The following CDH18 variants were observed in gnomAD, a reference collection of about 807,000 sequenced individuals.
CDH18 encodes the protein cadherin 18, also known as cadherin-18.
In CDH18, 31 loss-of-function variants were observed where a neutral mutation model predicts 67.9. The observed-to-expected ratio is 0.46, with a 90% CI of 0.34 to 0.62. The LOEUF (loss-of-function observed/expected upper bound fraction) is 0.62, where lower values mean the gene tolerates loss of function less well. Among genes scored for constraint, CDH18 ranks in the 20% least tolerant of loss-of-function variants. The pLI is 0.01. For synonymous variants in CDH18, 362 were observed against 347.2 expected, an observed-to-expected ratio of 1.04 and a Z score of -0.48; for missense variants, 890 against 975.5, an observed-to-expected ratio of 0.91 and a Z score of 1.17.
chr5:19,885,009 G>A (rs973430581), intron 2 of CDH18, among the ~76,000 whole-genome samples: 6 of 151,926 alleles, frequency 3.9e-5, no homozygotes, highest in South Asian at 2.1e-4. Flanking sequence ...GAGATGTTAC[G>A]GCAGTTCAAA....
At chr5:19,788,277 T>G (rs914227731) in intron 3 of CDH18, among the ~76,000 whole-genome samples, 6 of 152,178 alleles carry the variant, frequency 3.9e-5, no homozygotes, top group Non-Finnish European at 8.8e-5. Flanking sequence ...ATGGTAATGA[T>G]GGAGATAACT....
At chr5:19,574,541 G>A (rs1580290493) in intron 7 of CDH18, among the ~76,000 whole-genome samples, 1 of 152,026 alleles carries the variant, frequency 6.6e-6, no homozygotes, top group Non-Finnish European at 1.5e-5. Flanking sequence ...ATTTATTTAT[G>A]CCTGGATATT....
chr5:20,059,643 A>T (rs1467329469), intron 2 of CDH18, among the ~76,000 whole-genome samples: 2 of 152,192 alleles, frequency 1.3e-5, no homozygotes, highest in African/African-American at 4.8e-5. Context: ...AAATCATTCT[A>T]CTATAAAGAT....
intron 11 of CDH18, among the ~76,000 whole-genome samples, chr5:19,495,176 A>G (rs1236771122): frequency 6.6e-6 from 1 of 152,212 alleles, no homozygotes; most frequent in Non-Finnish European, 1.5e-5. Context: ...TGCTAGGTAC[A>G]TGAGATGGGG....
intron 1 of CDH18, among the ~76,000 whole-genome samples, chr5:20,539,572 G>T (rs1756932577): frequency 6.6e-6 from 1 of 152,132 alleles, no homozygotes; most frequent in Middle Eastern, 3.4e-3. Context: ...TGATGGTTAG[G>T]GCTTTTTGAA....
intron 2 of CDH18, among the ~76,000 whole-genome samples, chr5:20,030,529 T>C (rs2150450269): frequency 6.6e-6 from 1 of 152,258 alleles, no homozygotes; most frequent in East Asian, 1.9e-4. Flanking sequence ...AAAGATAAGA[T>C]GCCATTATTG....
At chr5:20,564,487 G>T (rs1249731382) in intron 1 of CDH18, among the ~76,000 whole-genome samples, 1 of 151,656 alleles carries the variant, frequency 6.6e-6, no homozygotes, top group Non-Finnish European at 1.5e-5. Flanking sequence ...CCATCTCTCT[G>T]GTTGGGCCAG....
chr5:20,224,795 G>C (rs1741484190), intron 2 of CDH18, among the ~76,000 whole-genome samples: 1 of 152,030 alleles, frequency 6.6e-6, no homozygotes, highest in Non-Finnish European at 1.5e-5. Context: ...ATTTGCAAGA[G>C]TGTGCTTTGA....
chr5:20,275,343 C>T (rs1176374258), intron 1 of CDH18, among the ~76,000 whole-genome samples: 3 of 152,022 alleles, frequency 2.0e-5, no homozygotes, highest in African/African-American at 7.2e-5. Flanking sequence ...TCTCTCCTGC[C>T]ACCATATGAA....
chr5:20,251,401 T>C lies in CDH18; in HGVS notation c.-518+4043A>G, dbSNP rs546914304. 2.6e-5 allele frequency among the ~76,000 whole-genome samples: 4 copies of C among 152,148 alleles called. No individual in the cohort carries two copies. In the South Asian group the frequency reaches 8.3e-4, roughly 32 times the overall value. On this transcript the variant is annotated intron_variant, in intron 2 of 14. Transcript: ENST00000507958. ...ATTATGCTTATCTGTAATAACATGA[T>C]TGATTGATTAGATAATTAAGCCATG...
intron 6 of CDH18, among the ~76,000 whole-genome samples, chr5:19,610,365 CTT>C (rs79906853): frequency 0.058 from 8,752 of 152,098 alleles, 284 homozygotes; most frequent in Non-Finnish European, 0.074. Context: ...ACAAATATCT[CTT>C]TATTATATAT....
chr5:19,867,404 A>C (rs2150005876), intron 2 of CDH18, among the ~76,000 whole-genome samples: 1 of 152,320 alleles, frequency 6.6e-6, no homozygotes, highest in African/African-American at 2.4e-5. Flanking sequence ...ACACACAATA[A>C]AGCAAAATAG....
At chr5:20,172,735 A>C (rs960987980) in intron 2 of CDH18, among the ~76,000 whole-genome samples, 1 of 152,138 alleles carries the variant, frequency 6.6e-6, no homozygotes, top group Non-Finnish European at 1.5e-5. Flanking sequence ...TCACACTTGT[A>C]ATCCCAGCAC....
intron 2 of CDH18, among the ~76,000 whole-genome samples, chr5:20,165,442 T>C (rs1736211718): frequency 6.6e-6 from 1 of 152,152 alleles, no homozygotes; most frequent in Admixed American, 6.5e-5. Context: ...AAAAGATTTC[T>C]GACAATTTTT....
At chr5:19,840,129 T>G (rs6895376) in intron 2 of CDH18, among the ~76,000 whole-genome samples, 123,946 of 149,714 alleles carry the variant, frequency 0.83, 52,688 homozygotes, top group Non-Finnish European at 0.92. Context: ...TGAGCCGGGC[T>G]TGGTGGCGGT....
chr5:20,465,049 GT>G (rs1458114627), intron 1 of CDH18, among the ~76,000 whole-genome samples: 1 of 152,026 alleles, frequency 6.6e-6, no homozygotes, highest in Non-Finnish European at 1.5e-5. Flanking sequence ...TAAATGAATA[GT>G]TCAATTCTAC....
At position 19,554,564 on chromosome 5, in the gene CDH18, AT is replaced by A. The variant is rs11418121; in HGVS notation, c.1254-10560del. ...TAACTTCATCTCAAAAAAAAAAACA[AT>A]TTTTTTTTTTGTAAAATTCGCATGA... On this transcript the variant is annotated intron_variant, in intron 8 of 12. Transcript: ENST00000382275. 5.9e-3 allele frequency among the ~76,000 whole-genome samples: 867 copies of A among 148,058 alleles called. 3 individuals are homozygous for A. Among genetic ancestry groups the A allele is most frequent in the African/African-American group, 0.017 (694 of 40,462 alleles).
chr5:19,658,463 T>C (rs1317638093), intron 5 of CDH18, among the ~76,000 whole-genome samples: 1 of 152,078 alleles, frequency 6.6e-6, no homozygotes, highest in Non-Finnish European at 1.5e-5. Flanking sequence ...AGTATTCTAT[T>C]TCCAATACTT....
intron 2 of CDH18, among the ~76,000 whole-genome samples, chr5:19,974,079 T>C (rs1186970875): frequency 6.6e-6 from 1 of 152,104 alleles, no homozygotes; most frequent in Non-Finnish European, 1.5e-5. Context: ...ATAGTGAACA[T>C]ATTTTTAAAA....
Sources: allele counts gnomAD v4.1 joint callset (sites outside exome capture counted in the v4.1 genomes callset), GRCh38; gene constraint gnomAD v4.1.1; transcripts MANE v1.5; gene names NCBI Gene and HGNC (gene_info 2026-07-23, HGNC 2026-07-21).